BCAS1: variants seen among roughly 807,000 people sequenced by gnomAD.
BCAS1 encodes breast carcinoma-amplified sequence 1.
In BCAS1, 46 loss-of-function variants were observed where a neutral mutation model predicts 65.4. That is an observed-to-expected ratio of 0.70 (90% CI 0.55 to 0.90). The LOEUF is 0.90. BCAS1 is among the 40% of genes least tolerant of loss of function. The pLI, the probability that BCAS1 is intolerant of heterozygous loss-of-function variation, is 0.00. For missense variants in BCAS1, 793 were observed against 771.2 expected (o/e 1.03, Z -0.33); for synonymous variants, 298 against 293.5 (o/e 1.02, Z -0.16).
chr20:54,009,659 C>A (rs1409239285), intron 4 of BCAS1, among the ~76,000 whole-genome samples: 1 of 152,080 alleles, frequency 6.6e-6, no homozygotes, highest in East Asian at 1.9e-4. Flanking sequence ...AGAATTACAC[C>A]AATTCTACAT....
chr20:54,064,098 G>A (rs143917845), intron 1 of BCAS1, among the ~76,000 whole-genome samples: 32 of 152,272 alleles, frequency 2.1e-4, no homozygotes, highest in Non-Finnish European at 4.3e-4. Context: ...TCACTTCCCC[G>A]CCTCCTGCCT....
intron 4 of BCAS1, among the ~76,000 whole-genome samples, chr20:54,018,826 T>G (rs530388356): frequency 1.3e-5 from 2 of 152,190 alleles, no homozygotes; most frequent in Non-Finnish European, 2.9e-5. Context: ...GCAAGTGTTA[T>G]GACGAAGGAC....
chr20:53,998,903 G>T (rs575789882), intron 4 of BCAS1, among the ~76,000 whole-genome samples: 82 of 152,232 alleles, frequency 5.4e-4, no homozygotes, highest in African/African-American at 1.7e-3. Context: ...ACAATCTTCT[G>T]AGACAAATAT....
intron 12 of BCAS1, among the ~76,000 whole-genome samples, chr20:53,950,791 A>G (rs142732706): frequency 0.014 from 2,185 of 152,340 alleles, 27 homozygotes; most frequent in South Asian, 0.045. Context: ...CTTATGAGCC[A>G]TGCAGTCTAG....
At position 53,968,488 on chromosome 20, in the gene BCAS1, C is replaced by T. The variant is rs956167775; in HGVS notation, c.1318-1415G>A. Among the ~76,000 whole-genome samples the T allele has an allele frequency of 4.6e-5, 7 of 152,286 alleles. No homozygotes were observed. In the South Asian group the frequency reaches 6.2e-4, roughly 14 times the overall value. On this transcript the variant is annotated intron_variant, in intron 9 of 12. Transcript: ENST00000688948. ...CATACCATTGGTTTGCAAAATGACCCGAATTTTCCAAATCGAGAAGAACCC... is the reference window on the plus strand; with the variant it reads ...CATACCATTGGTTTGCAAAATGACCTGAATTTTCCAAATCGAGAAGAACCC...
rs771210537 is a variant in BCAS1, at chr20:53,957,549, G to A, written c.1486-52C>T. The A allele has an allele frequency of 3.9e-6, 6 of 1,538,216 alleles. No homozygotes were observed. In the South Asian group the frequency reaches 6.7e-5, roughly 17 times the overall value. ...TCAGCCACAAGTACAGTGACGTGGA[G>A]AATGCAAGAAAGTTCTGAAATGGAT... On this transcript the variant is annotated intron_variant, in intron 10 of 12. Coordinates refer to ENST00000688948, the MANE Select transcript of BCAS1 (RefSeq NM_001366298.2).
At chr20:54,058,993 C>G (rs930319647) in intron 1 of BCAS1, among the ~76,000 whole-genome samples, 1 of 152,122 alleles carries the variant, frequency 6.6e-6, no homozygotes, top group Admixed American at 6.5e-5. Flanking sequence ...CAGAAGACAC[C>G]TCTCCACAGG....
intron 11 of BCAS1, among the ~76,000 whole-genome samples, chr20:53,954,336 G>GAGA (rs1159772238): frequency 5.7e-4 from 48 of 83,984 alleles, no homozygotes; most frequent in East Asian, 2.5e-3. Flanking sequence ...AGAGAGAGAG[G>GAGA]GACCAGGCAT....
At chr20:54,048,001 T>C (rs1220909407) in intron 3 of BCAS1, among the ~76,000 whole-genome samples, 1 of 152,202 alleles carries the variant, frequency 6.6e-6, no homozygotes, top group Non-Finnish European at 1.5e-5. Flanking sequence ...CATCCATAGT[T>C]GAGCATAGAA....
Position 54,039,490 on chromosome 20 carries a change from A to G in BCAS1, c.143-10518T>C, listed in dbSNP as rs144617610. On this transcript the variant is annotated intron_variant, in intron 3 of 12. Coordinates refer to ENST00000688948, the MANE Select transcript of BCAS1 (RefSeq NM_001366298.2). Reference sequence around the variant, plus strand: ...CTTCAGAAAACATCCTCTAAAAGCAACAGTGATGATCAGATACTGTGGGGC... The same window carrying G: ...CTTCAGAAAACATCCTCTAAAAGCAGCAGTGATGATCAGATACTGTGGGGC... Among the ~76,000 whole-genome samples, 82 of 151,428 alleles carry G rather than the reference A, an allele frequency of 5.4e-4. 6 individuals carry two copies. The highest frequency in any genetic ancestry group is 8.6e-4 in the Non-Finnish European group (58 of 67,598).
chr20:53,999,019 C>T (rs2090991923), intron 4 of BCAS1, among the ~76,000 whole-genome samples: 1 of 152,174 alleles, frequency 6.6e-6, no homozygotes, highest in Non-Finnish European at 1.5e-5. Context: ...TAAGTCAGGC[C>T]TGTCAGAACT....
At chr20:53,996,340 T>G (rs1347804026) in intron 4 of BCAS1, among the ~76,000 whole-genome samples, 1 of 152,050 alleles carries the variant, frequency 6.6e-6, no homozygotes, top group Admixed American at 6.6e-5. Context: ...CTTCCAATTC[T>G]GCAAAGAAGT....
chr20:53,945,964 G>C (rs967357864), intron 12 of BCAS1, among the ~76,000 whole-genome samples: 1 of 151,882 alleles, frequency 6.6e-6, no homozygotes, highest in African/African-American at 2.4e-5. Flanking sequence ...TGTAGAGACG[G>C]GGTCTCAATT....
At chr20:54,006,500 A>C (rs927342233) in intron 4 of BCAS1, among the ~76,000 whole-genome samples, 1 of 152,164 alleles carries the variant, frequency 6.6e-6, no homozygotes, top group Non-Finnish European at 1.5e-5. Context: ...ACCCGAGGTC[A>C]GGTGTTCAAG....
chr20:53,982,843 A>G (rs1161788464), intron 8 of BCAS1, among the ~76,000 whole-genome samples: 1 of 152,226 alleles, frequency 6.6e-6, no homozygotes, highest in East Asian at 1.9e-4. Flanking sequence ...ATATAGCACA[A>G]AACAACTTAG....
intron 12 of BCAS1, 117 bp downstream of exon 12, chr20:53,953,315 G>T: frequency 1.5e-6 from 2 of 1,305,144 alleles, no homozygotes; most frequent in Non-Finnish European, 2.1e-6. Context: ...AACCCTGAGT[G>T]ATAGACCCGG....
chr20:54,009,250 T>C (rs2091270685), intron 4 of BCAS1, among the ~76,000 whole-genome samples: 1 of 152,106 alleles, frequency 6.6e-6, no homozygotes, highest in Non-Finnish European at 1.5e-5. Flanking sequence ...AATTTTAGAA[T>C]TGAAAGGTAT....
chr20:53,950,294 G>C (rs986299376), intron 12 of BCAS1, among the ~76,000 whole-genome samples: 1 of 151,352 alleles, frequency 6.6e-6, no homozygotes, highest in African/African-American at 2.4e-5. Context: ...TCCCACCCCC[G>C]TGCCTTTGCC....
chr20:54,067,299 C>G (rs921168103), intron 1 of BCAS1, among the ~76,000 whole-genome samples: 1 of 152,146 alleles, frequency 6.6e-6, no homozygotes, highest in Non-Finnish European at 1.5e-5. Context: ...TCGCTTGAAC[C>G]CAGGAAGCGG....
Sources: allele counts gnomAD v4.1 joint callset (sites outside exome capture counted in the v4.1 genomes callset), GRCh38; gene constraint gnomAD v4.1.1; transcripts MANE v1.5; gene names NCBI Gene and HGNC (gene_info 2026-07-23, HGNC 2026-07-21).